Variants in RAPH1 observed in about 807,000 individuals in gnomAD.
RAPH1 encodes the protein ras-associated and pleckstrin homology domains-containing protein 1.
Under a neutral mutation model 88.1 loss-of-function variants are expected in RAPH1, and 18 were observed. The observed-to-expected ratio is 0.20, with a 90% confidence interval of 0.14 to 0.30. RAPH1 has a LOEUF of 0.30. Ranked by LOEUF, RAPH1 falls within the 10% of genes least tolerant of loss-of-function variation. RAPH1 has a pLI of 1.00. For missense variants in RAPH1, 1,448 were observed against 1,543.2 expected, an observed-to-expected ratio of 0.94 and a Z score of 1.03; for synonymous variants, 587 against 559.0, an observed-to-expected ratio of 1.05 and a Z score of -0.71.
At chr2:203,526,450 C>T (rs976945155) in intron 1 of RAPH1, among the ~76,000 whole-genome samples, 1 of 152,090 alleles carries the variant, frequency 6.6e-6, no homozygotes, top group African/African-American at 2.4e-5. Flanking sequence ...ACTGGCCAGG[C>T]GAGATGGCTC....
At chr2:203,506,408 G>T (rs1688998640) in intron 1 of RAPH1, among the ~76,000 whole-genome samples, 1 of 151,808 alleles carries the variant, frequency 6.6e-6, no homozygotes, top group African/African-American at 2.4e-5. Context: ...CAGACACCTG[G>T]AGTAGTAATT....
intron 1 of RAPH1, among the ~76,000 whole-genome samples, chr2:203,509,454 T>G (rs1402606749): frequency 6.6e-6 from 1 of 152,226 alleles, no homozygotes; most frequent in Non-Finnish European, 1.5e-5. Flanking sequence ...AGTTAGTATT[T>G]AATTAAATTG....
Position 203,444,982 on chromosome 2 carries a change from A to C in RAPH1, c.1662T>G (p.Ser554=). ...GCTGGGTGTCAGAAACTCCGCTATC[A>C]GACTGATTGGAGTGGTTTGACTGAG... is the stretch of plus-strand genomic sequence containing the variant. The part of the protein sequence containing the change: ...PESQSNHSNQ[S]DSGVSDTQPA... The change falls in exon 13 of 14, where the codon TCT becomes TCG. Residue 554 remains serine (S), a synonymous_variant. Transcript: ENST00000319170. The C allele has an allele frequency of 6.2e-7, 1 of 1,614,148 alleles. No homozygotes were observed. The highest frequency in any genetic ancestry group is 1.1e-5 in the South Asian group (1 of 91,058).
chr2:203,447,909 G>T, intron 12 of RAPH1, 50 bp downstream of exon 12: 1 of 1,601,816 alleles, frequency 6.2e-7, no homozygotes, highest in Non-Finnish European at 8.5e-7. Flanking sequence ...AGTCTCTACA[G>T]AGACCTTCAT....
In RAPH1 at chr2:203,438,559, T is replaced by C. The variant is rs764949679; in HGVS notation, c.*878A>G. 33 of 169,874 alleles carry C rather than the reference T, an allele frequency of 1.9e-4. No individual in the cohort carries two copies. Among genetic ancestry groups the C allele is most frequent in the Non-Finnish European group, 3.9e-4 (31 of 79,780 alleles). 10.5% of individuals were successfully genotyped at this position (169,874 alleles called of 1,614,324 possible). On this transcript the variant is annotated 3_prime_UTR_variant, in exon 14 of 14. Coordinates refer to ENST00000319170, the MANE Select transcript of RAPH1 (RefSeq NM_213589.3). ...GTGTTATCCATCCTCTTAAAATCAA[T>C]CAAAGTGAGGATCATGAAGCCAAGT...
At chr2:203,517,105 G>A (rs1416323464) in intron 1 of RAPH1, among the ~76,000 whole-genome samples, 1 of 151,542 alleles carries the variant, frequency 6.6e-6, no homozygotes, top group Non-Finnish European at 1.5e-5. Context: ...ACCCAACTCT[G>A]TTGTCTACAA....
chr2:203,505,334 T>C (rs887173127), intron 1 of RAPH1, among the ~76,000 whole-genome samples: 15 of 151,700 alleles, frequency 9.9e-5, no homozygotes, highest in African/African-American at 3.6e-4. Flanking sequence ...CAAGAGAAAA[T>C]GTGGAAGAAG....
At chr2:203,504,161 C>A (rs1255943364) in intron 1 of RAPH1, among the ~76,000 whole-genome samples, 1 of 152,204 alleles carries the variant, frequency 6.6e-6, no homozygotes, top group Non-Finnish European at 1.5e-5. Context: ...CTAGGCAGTG[C>A]CCCAGTGGGG....
intron 7 of RAPH1, among the ~76,000 whole-genome samples, chr2:203,458,464 C>A (rs1234554934): frequency 6.6e-6 from 1 of 152,158 alleles, no homozygotes; most frequent in Admixed American, 6.5e-5. Flanking sequence ...TAGGATCTCC[C>A]CTGTATACCA....
intron 1 of RAPH1, among the ~76,000 whole-genome samples, chr2:203,498,830 C>T (rs765668284): frequency 1.3e-5 from 2 of 152,168 alleles, no homozygotes; most frequent in South Asian, 2.1e-4. Context: ...AAGAGAACTA[C>T]AGTCATGTGC....
intron 1 of RAPH1, among the ~76,000 whole-genome samples, chr2:203,518,737 A>T (rs1689731982): frequency 6.6e-6 from 1 of 152,044 alleles, no homozygotes; most frequent in Admixed American, 6.6e-5. Context: ...AGTCCTAGTT[A>T]CTTGGGAAGC....
At chr2:203,473,468 C>A (rs1312908844) in intron 4 of RAPH1, among the ~76,000 whole-genome samples, 1 of 152,006 alleles carries the variant, frequency 6.6e-6, no homozygotes, top group Non-Finnish European at 1.5e-5. Context: ...TTTAAAACTA[C>A]ATAATTTCTA....
At position 203,518,531 on chromosome 2, in the gene RAPH1, C is replaced by CA. The variant is rs1359465101; in HGVS notation, c.-1+16579dup. 1.0e-4 allele frequency among the ~76,000 whole-genome samples: 9 copies of CA among 90,124 alleles called. 1 individual carries two copies. Among genetic ancestry groups the CA allele is most frequent in the South Asian group, 1.0e-3 (2 of 1,938 alleles). The allele number at this position is 90,124 out of a possible 152,430, so 59.1% of individuals were successfully genotyped here. A position where few individuals can be genotyped will look rare whatever the true frequency, so the allele number is the denominator to read the frequency against. ...AGACACCATCTCCAAACAAAAAAAA[C>CA]AAAAAAACAAAAAAAAAACAAAAAA... is the stretch of plus-strand genomic sequence containing the variant. On this transcript the variant is annotated intron_variant, in intron 1 of 13. Transcript: ENST00000319170.
chr2:203,479,773 A>G (rs1393622246), intron 4 of RAPH1, among the ~76,000 whole-genome samples: 1 of 152,186 alleles, frequency 6.6e-6, no homozygotes, highest in Non-Finnish European at 1.5e-5. Flanking sequence ...ATAAACAAAG[A>G]TTAAAAATTT....
intron 7 of RAPH1, among the ~76,000 whole-genome samples, chr2:203,459,259 T>C (rs550705826): frequency 6.6e-6 from 1 of 152,340 alleles, no homozygotes; most frequent in South Asian, 2.1e-4. Flanking sequence ...AGATGTGTCA[T>C]GGTTATGCCA....
chr2:203,475,701 G>T (rs1687388694), intron 4 of RAPH1, among the ~76,000 whole-genome samples: 1 of 147,092 alleles, frequency 6.8e-6, no homozygotes, highest in Non-Finnish European at 1.5e-5. Context: ...ACATGTTTCA[G>T]TTCTGGGGTC....
chr2:203,465,897 A>G (rs1456742089), intron 4 of RAPH1, among the ~76,000 whole-genome samples: 1 of 152,148 alleles, frequency 6.6e-6, no homozygotes, highest in Non-Finnish European at 1.5e-5. Flanking sequence ...AAGTTGACAC[A>G]ACGGACATAG....
rs769603176 is a variant in RAPH1 at position 203,448,709 on chromosome 2, T to C, written c.1512+29A>G. 10 of 1,439,496 alleles carry C rather than the reference T, an allele frequency of 6.9e-6. No homozygotes were observed. Among genetic ancestry groups the C allele is most frequent in the East Asian group, 2.3e-5 (1 of 42,810 alleles). 89.2% of individuals were successfully genotyped at this position (1,439,496 alleles called of 1,614,324 possible). On this transcript the variant is annotated intron_variant, in intron 11 of 13. Coordinates refer to ENST00000319170, the MANE Select transcript of RAPH1 (RefSeq NM_213589.3). This position sits in a 1 kb window ranked among gnomAD's most constrained non-coding sequence, Gnocchi z 4.1. ...TATATCATCGACAAACACCTCATTA[T>C]TCCATCATCAAATCAAAAGGAGACA...
chr2:203,462,913 C>G (rs924910928), intron 4 of RAPH1, among the ~76,000 whole-genome samples: 1 of 151,768 alleles, frequency 6.6e-6, no homozygotes, highest in Admixed American at 6.6e-5. Context: ...AAAATAAAAA[C>G]TTTTTGGTTG....
Sources: gnomAD v4.1 joint callset for allele counts (sites outside exome capture counted in the v4.1 genomes callset) on GRCh38, gnomAD v4.1.1 for gene constraint, Gnocchi (gnomAD v3.1) non-coding constraint, MANE v1.5 for transcripts, NCBI Gene and HGNC (gene_info 2026-07-23, HGNC 2026-07-21) for gene names.